HAUS6: variants seen among roughly 807,000 people sequenced by gnomAD.
HAUS6 encodes the protein HAUS augmin-like complex subunit 6.
HAUS6 carries 80 observed loss-of-function variants against 106.8 expected under a neutral mutation model. The observed-to-expected ratio is 0.75, with a 90% CI of 0.63 to 0.90. HAUS6 has a LOEUF of 0.90. HAUS6 is among the 40% of genes least tolerant of loss of function. HAUS6 has a pLI of 0.00. For missense variants in HAUS6, 1,155 were observed against 1,118.1 expected (o/e 1.03, Z -0.47); for synonymous variants, 356 against 379.1 (o/e 0.94, Z 0.71).
At position 19,088,193 on chromosome 9, in the gene HAUS6, T is replaced by A. The variant is rs561983294; in HGVS notation, c.585-1037A>T. ...ACTTTGGGAGGCTGAGGCGGGTGGA[T>A]CACCTGAGGTCAGGAGTTCGAGACC... On this transcript the variant is annotated intron_variant, in intron 5 of 16. Coordinates refer to ENST00000380502, the MANE Select transcript of HAUS6 (RefSeq NM_017645.5). Among the ~76,000 whole-genome samples, 14 of 152,114 alleles carry A rather than the reference T, an allele frequency of 9.2e-5. No homozygotes were observed. In the East Asian group the frequency reaches 2.3e-3, roughly 25 times the overall value.
intron 8 of HAUS6, among the ~76,000 whole-genome samples, chr9:19,082,351 G>C (rs1422041418): frequency 1.3e-5 from 2 of 152,172 alleles, no homozygotes; most frequent in African/African-American, 4.8e-5. Context: ...TGTACTATAT[G>C]ATGTAGTACT....
intron 11 of HAUS6, among the ~76,000 whole-genome samples, chr9:19,073,416 T>C (rs931760903): frequency 7.5e-5 from 10 of 134,146 alleles, no homozygotes; most frequent in East Asian, 2.0e-4. Flanking sequence ...CAAGGTTCTA[T>C]ACTAGGAAAA....
At chr9:19,094,937 GA>G (rs1817829851) in intron 2 of HAUS6, among the ~76,000 whole-genome samples, 1 of 152,078 alleles carries the variant, frequency 6.6e-6, no homozygotes, top group Non-Finnish European at 1.5e-5. Flanking sequence ...TGTATTAAAT[GA>G]GGGAATGAAC....
At chr9:19,082,798 G>C in intron 8 of HAUS6, 75 bp downstream of exon 8, 1 of 770,372 alleles carries the variant, frequency 1.3e-6, no homozygotes, top group South Asian at 3.0e-5. Flanking sequence ...TCTGAAAGCA[G>C]AAGAACATTG....
rs1836394445 is a variant in HAUS6, at chr9:19,053,225, T to G, written c.*3118A>C. The G allele has an allele frequency of 6.6e-6, 1 of 152,160 alleles. No homozygotes were observed. The highest frequency in any genetic ancestry group is 2.4e-5 in the African/African-American group (1 of 41,460). 9.4% of individuals were successfully genotyped at this position (152,160 alleles called of 1,614,324 possible). A position where few individuals can be genotyped will look rare whatever the true frequency, so the allele number is the denominator to read the frequency against. ...AGAGGATTCTCAAATATTTTAAACTTAGGATGCAGACTGCTATTCACAATG... is the reference window on the plus strand; with the variant it reads ...AGAGGATTCTCAAATATTTTAAACTGAGGATGCAGACTGCTATTCACAATG... On this transcript the variant is annotated 3_prime_UTR_variant, in exon 17 of 17. Transcript: ENST00000380502.
intron 2 of HAUS6, among the ~76,000 whole-genome samples, chr9:19,095,589 CA>C (rs1817844750): frequency 6.6e-6 from 1 of 150,812 alleles, no homozygotes; most frequent in African/African-American, 2.4e-5. Flanking sequence ...AAAAATCATC[CA>C]AACATACCTA....
chr9:19,089,556 G>A lies in HAUS6; in HGVS notation c.440C>T (p.Ser147Phe), dbSNP rs1336752925. The A allele has an allele frequency of 6.2e-7, 1 of 1,604,306 alleles. No homozygotes were observed. ...AAATGTCTCTACAAAATGATGAGAA[G>A]AATCTACACAGAACACAAATAAGAT... ...MKYIKSNSKN[S>F]SHHFVETFNI... Residue 147 changes from serine to phenylalanine, a missense_variant, in exon 5 of 17, where the codon TCT becomes TTT. Coordinates refer to ENST00000380502, the MANE Select transcript of HAUS6 (RefSeq NM_017645.5).
intron 10 of HAUS6, 110 bp downstream of exon 10, chr9:19,078,066 C>G: frequency 1.3e-6 from 1 of 797,578 alleles, no homozygotes; most frequent in Non-Finnish European, 2.0e-6. Flanking sequence ...CTCCAGCCAG[C>G]TATGATCGTG....
rs111996617 is a variant in HAUS6, at chr9:19,083,943, A to C, written c.700-900T>G. Among the ~76,000 whole-genome samples, 496 of 151,824 alleles carry C rather than the reference A, an allele frequency of 3.3e-3. 2 individuals are homozygous for C. The highest frequency in any genetic ancestry group is 0.012 in the African/African-American group (479 of 41,402). The stretch of plus-strand genomic sequence containing the variant: ...CTTAGGCATATACTAATCTATATTC[A>C]TTAAAATTGATATACAAGAATATTT... On this transcript the variant is annotated intron_variant, in intron 7 of 16. Transcript: ENST00000380502.
intron 4 of HAUS6, among the ~76,000 whole-genome samples, chr9:19,092,711 G>C (rs1418195993): frequency 6.6e-6 from 1 of 150,544 alleles, no homozygotes; most frequent in Admixed American, 6.6e-5. Context: ...ATAATCTGAG[G>C]TCAGGAGTTC....
chr9:19,060,141 C>T lies in HAUS6; in HGVS notation c.1712G>A (p.Gly571Asp). 1.2e-6 allele frequency: 2 copies of T among 1,604,856 alleles called. No homozygotes were observed. The highest frequency in any genetic ancestry group is 1.7e-6 in the Non-Finnish European group (2 of 1,173,954). The part of the protein sequence containing the change: ...IKLEELIDSL[G>D]SNPFLTRNQI... ...ATTCCTTGTTAAGAAGGGGTTAGAA[C>T]CCAGAGAGTCAATTAGTTCCTCTAA... The change falls in exon 15 of 17, where the codon GGT becomes GAT. Residue 571 changes from glycine to aspartate, a missense_variant. Physicochemically the swap from Gly to Asp is moderately conservative, Grantham distance 94. This residue lies in a region of HAUS6 where 761 missense variants were observed against 690.0 expected (regional missense o/e 1.10). Coordinates refer to ENST00000380502, the MANE Select transcript of HAUS6 (RefSeq NM_017645.5).
Position 19,102,531 on chromosome 9 carries a change from G to A in HAUS6, c.121C>T (p.Leu41Phe), listed in dbSNP as rs531425710. ...CGGCCCCGGCCTCCTTACACTCCGA[G>A]GTGCGTGTGCGACACGATCTTTCCG... ...ACGKIVSHTH[L>F]GVNMFDKLNR... Residue 41 changes from leucine to phenylalanine, a missense_variant, in exon 1 of 17, where the codon CTC becomes TTC. Physicochemically the swap from Leu to Phe is conservative, Grantham distance 22. Coordinates refer to ENST00000380502, the MANE Select transcript of HAUS6 (RefSeq NM_017645.5). 6.2e-7 allele frequency: 1 copy of A among 1,613,624 alleles called. No homozygotes were observed. The highest frequency in any genetic ancestry group is 8.5e-7 in the Non-Finnish European group (1 of 1,179,786).
At position 19,089,399 on chromosome 9, in the gene HAUS6, A is replaced by G; in HGVS notation, c.584+13T>C. ...GAAAGAAATTATTTTCTAACTATCAAGGTACTACTTACTGTGCATTTTCCT... is the reference window on the plus strand; with the variant it reads ...GAAAGAAATTATTTTCTAACTATCAGGGTACTACTTACTGTGCATTTTCCT... On this transcript the variant is annotated intron_variant, in intron 5 of 16. Coordinates refer to ENST00000380502, the MANE Select transcript of HAUS6 (RefSeq NM_017645.5). The G allele has an allele frequency of 1.3e-6, 2 of 1,547,370 alleles. No individual in the cohort carries two copies. Among genetic ancestry groups the G allele is most frequent in the Non-Finnish European group, 1.8e-6 (2 of 1,119,892 alleles).
In HAUS6 at chr9:19,054,206, G is replaced by A. The variant is rs1475371128; in HGVS notation, c.*2137C>T. On this transcript the variant is annotated 3_prime_UTR_variant, in exon 17 of 17. Coordinates refer to ENST00000380502, the MANE Select transcript of HAUS6 (RefSeq NM_017645.5). ...GACCCATGCTCACTGAAGCATTTCA[G>A]TAAAAAAATGGGAGATTACAGCGGA... The A allele has an allele frequency of 1.3e-5, 2 of 152,132 alleles. No homozygotes were observed. Among genetic ancestry groups the A allele is most frequent in the African/African-American group, 2.4e-5 (1 of 41,418 alleles). 9.4% of individuals were successfully genotyped at this position (152,132 alleles called of 1,614,324 possible).
chr9:19,062,651 GA>G (rs1836652247), intron 14 of HAUS6, among the ~76,000 whole-genome samples: 1 of 152,050 alleles, frequency 6.6e-6, no homozygotes, highest in Admixed American at 6.6e-5. Context: ...ACACCATTGA[GA>G]AAATATTTGT....
At chr9:19,096,286 C>A (rs1164430947) in intron 2 of HAUS6, among the ~76,000 whole-genome samples, 1 of 152,088 alleles carries the variant, frequency 6.6e-6, no homozygotes, top group African/African-American at 2.4e-5. Context: ...TGGCTTATGC[C>A]GGGCGTGGTG....
At chr9:19,057,055 G>C (rs1365816066) in intron 16 of HAUS6, 2 of 152,118 alleles carry the variant, frequency 1.3e-5, no homozygotes, top group Non-Finnish European at 2.9e-5. Flanking sequence ...AAAGTGAAGA[G>C]AACTGTGATT....
chr9:19,078,053 G>C (rs1019165308), intron 10 of HAUS6, 123 bp downstream of exon 10: 3 of 712,682 alleles, frequency 4.2e-6, no homozygotes, highest in South Asian at 1.9e-5. Context: ...TCGTGCCACT[G>C]TACTCCAGCC....
At chr9:19,073,166 A>C (rs886474367) in intron 11 of HAUS6, among the ~76,000 whole-genome samples, 2 of 152,156 alleles carry the variant, frequency 1.3e-5, no homozygotes, top group Non-Finnish European at 2.9e-5. Flanking sequence ...ATATCCAAGG[A>C]TTAACTACAT....
Sources: gnomAD v4.1 joint callset for allele counts (sites outside exome capture counted in the v4.1 genomes callset) on GRCh38, gnomAD v4.1.1 for gene constraint, gnomAD v4.1.1 regional missense constraint, MANE v1.5 for transcripts, NCBI Gene and HGNC (gene_info 2026-07-23, HGNC 2026-07-21) for gene names.